SGCD: variants seen among roughly 807,000 people sequenced by gnomAD.
SGCD encodes sarcoglycan delta.
SGCD carries 18 observed loss-of-function variants against 36.6 expected under a neutral mutation model. That is an observed-to-expected ratio of 0.49 (90% CI 0.34 to 0.73). The LOEUF is 0.73. Among genes scored for constraint, SGCD ranks in the 30% least tolerant of loss-of-function variants. The probability of loss-of-function intolerance (pLI) is 0.01; values close to 1 mark genes in which losing one functional copy is unlikely to be tolerated. For synonymous variants in SGCD, 133 were observed against 130.6 expected, an observed-to-expected ratio of 1.02 and a Z score of -0.12; for missense variants, 387 against 346.7, an observed-to-expected ratio of 1.12 and a Z score of -0.92.
chr5:155,896,140 T>G (rs1378864809), intron 1 of SGCD, among the ~76,000 whole-genome samples: 2 of 152,190 alleles, frequency 1.3e-5, no homozygotes, highest in Non-Finnish European at 2.9e-5. Flanking sequence ...CTTTATTATA[T>G]CTCTCTTGAT....
At chr5:156,688,259 A>C (rs1753980424) in intron 7 of SGCD, among the ~76,000 whole-genome samples, 2 of 152,254 alleles carry the variant, frequency 1.3e-5, no homozygotes, top group South Asian at 4.1e-4. Flanking sequence ...AGTGGCTGAC[A>C]CCTATAAATA....
the SGCD span, among the ~76,000 whole-genome samples, chr5:155,845,062 T>G: frequency 6.6e-6 from 1 of 152,124 alleles, no homozygotes; most frequent in African/African-American, 2.4e-5. Flanking sequence ...GTGTGTGATA[T>G]TCCCCTCCCT....
At chr5:156,708,590 T>C (rs1414497820) in intron 7 of SGCD, among the ~76,000 whole-genome samples, 3 of 152,306 alleles carry the variant, frequency 2.0e-5, no homozygotes, top group Non-Finnish European at 4.4e-5. Context: ...ATAACGAACA[T>C]ACAAACAGAT....
chr5:156,566,257 T>G (rs748869926), intron 4 of SGCD, among the ~76,000 whole-genome samples: 14 of 152,154 alleles, frequency 9.2e-5, no homozygotes, highest in Non-Finnish European at 1.6e-4. Context: ...AATTCAATTT[T>G]TTAAAAAAAC....
the SGCD span, among the ~76,000 whole-genome samples, chr5:155,765,789 AG>A: frequency 1.3e-5 from 2 of 152,272 alleles, no homozygotes; most frequent in South Asian, 4.1e-4. Context: ...TGGGATTCCC[AG>A]CTCCTCCCCA....
chr5:155,981,943 A>T (rs191958490), intron 1 of SGCD, among the ~76,000 whole-genome samples: 1 of 152,318 alleles, frequency 6.6e-6, no homozygotes, highest in Non-Finnish European at 1.5e-5. Flanking sequence ...CTTAGTACCT[A>T]CAACAGGACA....
chr5:156,415,482 C>A (rs906048057), intron 3 of SGCD, among the ~76,000 whole-genome samples: 2 of 152,154 alleles, frequency 1.3e-5, no homozygotes, highest in African/African-American at 4.8e-5. Flanking sequence ...CTCTATAGGT[C>A]CCTACTGACC....
At chr5:156,027,865 G>A (rs1759258643) in intron 1 of SGCD, among the ~76,000 whole-genome samples, 1 of 152,124 alleles carries the variant, frequency 6.6e-6, no homozygotes, top group African/African-American at 2.4e-5. Flanking sequence ...TTCAGTTTCT[G>A]GTGAGTGCCT....
upstream of SGCD, among the ~76,000 whole-genome samples, chr5:155,868,707 G>C (rs1300396334): frequency 1.3e-5 from 2 of 152,120 alleles, no homozygotes; most frequent in African/African-American, 4.8e-5. Flanking sequence ...GTTAATAACT[G>C]GAGTGATTTA....
intron 1 of SGCD, among the ~76,000 whole-genome samples, chr5:155,878,807 T>C (rs956381020): frequency 6.6e-6 from 1 of 152,116 alleles, no homozygotes; most frequent in African/African-American, 2.4e-5. Flanking sequence ...TTCATGTGAG[T>C]ATATATAAAA....
chr5:156,522,457 A>G (rs1191321574), intron 4 of SGCD, among the ~76,000 whole-genome samples: 1 of 152,134 alleles, frequency 6.6e-6, no homozygotes, highest in African/African-American at 2.4e-5. Context: ...GCTGGAAGCC[A>G]TTATCCTCAG....
At chr5:155,983,938 T>C (rs945138712) in intron 1 of SGCD, among the ~76,000 whole-genome samples, 4 of 152,280 alleles carry the variant, frequency 2.6e-5, no homozygotes, top group Middle Eastern at 3.4e-3. Context: ...TGGCTGCAAT[T>C]CCAGTCATAA....
chr5:156,103,352 T>C (rs1278105549), intron 1 of SGCD, among the ~76,000 whole-genome samples: 1 of 46,836 alleles, frequency 2.1e-5, no homozygotes, highest in Non-Finnish European at 4.2e-5. Context: ...TACTTTGACA[T>C]TACAAGACAT....
intron 7 of SGCD, among the ~76,000 whole-genome samples, chr5:156,656,981 A>ATCAT (rs1234204561): frequency 6.6e-6 from 1 of 152,208 alleles, no homozygotes; most frequent in South Asian, 2.1e-4. Context: ...GTCTGTGTGT[A>ATCAT]TCATTGGGAA....
intron 3 of SGCD, among the ~76,000 whole-genome samples, chr5:156,217,135 T>C (rs1764597194): frequency 6.6e-6 from 1 of 152,096 alleles, no homozygotes; most frequent in Non-Finnish European, 1.5e-5. Flanking sequence ...CGCATGTTAA[T>C]AGTAAGAGTT....
chr5:155,769,450 A>T, the SGCD span, among the ~76,000 whole-genome samples: 2 of 152,004 alleles, frequency 1.3e-5, no homozygotes, highest in South Asian at 2.1e-4. Context: ...AAAAAAAAAA[A>T]AATTTGGAAG....
At chr5:156,303,702 C>T (rs1474199752) in intron 3 of SGCD, among the ~76,000 whole-genome samples, 1 of 151,320 alleles carries the variant, frequency 6.6e-6, no homozygotes, top group African/African-American at 2.4e-5. Flanking sequence ...TGGTAGGATT[C>T]CCAGGGAAGC....
At chr5:156,125,231 T>C (rs896682146) in intron 3 of SGCD, among the ~76,000 whole-genome samples, 1 of 152,250 alleles carries the variant, frequency 6.6e-6, no homozygotes. Context: ...GGGAGAACAA[T>C]GTAGGTGAGG....
the SGCD span, among the ~76,000 whole-genome samples, chr5:155,840,535 T>C: frequency 3.4e-4 from 52 of 151,130 alleles, no homozygotes; most frequent in Non-Finnish European, 4.6e-4. Flanking sequence ...GTGATCTGCC[T>C]GCCTCGGCCT....
Sources: allele counts gnomAD v4.1 joint callset (sites outside exome capture counted in the v4.1 genomes callset), GRCh38; gene constraint gnomAD v4.1.1; transcripts MANE v1.5; gene names NCBI Gene and HGNC (gene_info 2026-07-23, HGNC 2026-07-21).